The following AFF3 variants were observed in gnomAD, a reference collection of about 807,000 sequenced individuals.
AFF3 encodes ALF transcription elongation factor 3.
In AFF3, 32 loss-of-function variants were observed where a neutral mutation model predicts 129.7. The ratio of observed to expected loss-of-function variants is 0.25; its 90% confidence interval spans 0.19 to 0.33. The LOEUF (loss-of-function observed/expected upper bound fraction) is 0.33. Ranked by LOEUF, AFF3 falls within the 10% of genes least tolerant of loss-of-function variation. AFF3 has a pLI of 1.00. For synonymous variants in AFF3, 644 were observed against 635.4 expected (o/e 1.01, Z -0.20); for missense variants, 1,373 against 1,592.0 (o/e 0.86, Z 2.34).
At chr2:99,587,512 G>A (rs1477231831) in intron 15 of AFF3, among the ~76,000 whole-genome samples, 2 of 152,122 alleles carry the variant, frequency 1.3e-5, no homozygotes, top group Admixed American at 6.5e-5. Flanking sequence ...GAGGCACGAC[G>A]CCATGATTCA....
At chr2:99,935,451 G>A (rs1341200940) in intron 7 of AFF3, among the ~76,000 whole-genome samples, 1 of 152,108 alleles carries the variant, frequency 6.6e-6, no homozygotes, top group African/African-American at 2.4e-5. Context: ...TTTCTTTAAG[G>A]ATCTTCTCTG....
intron 4 of AFF3, among the ~76,000 whole-genome samples, chr2:100,032,370 AGT>A (rs1684568096): frequency 6.6e-6 from 1 of 152,022 alleles, no homozygotes; most frequent in African/African-American, 2.4e-5. Flanking sequence ...CGGAGGCTGC[AGT>A]GAGCCGAGAC....
At chr2:100,100,996 T>C (rs967521167) in intron 4 of AFF3, among the ~76,000 whole-genome samples, 1 of 152,214 alleles carries the variant, frequency 6.6e-6, no homozygotes, top group Non-Finnish European at 1.5e-5. Context: ...TTAACCTTTT[T>C]CCAAGTTCTC....
chr2:99,580,579 A>T (rs1677432979), intron 17 of AFF3, among the ~76,000 whole-genome samples: 1 of 152,136 alleles, frequency 6.6e-6, no homozygotes, highest in Non-Finnish European at 1.5e-5. Flanking sequence ...ACAAGTAATT[A>T]CTCAGTCCAA....
chr2:99,779,949 T>C (rs1222897415), intron 8 of AFF3, among the ~76,000 whole-genome samples: 1 of 152,212 alleles, frequency 6.6e-6, no homozygotes, highest in Non-Finnish European at 1.5e-5. Flanking sequence ...ACAGTTATAC[T>C]GAAAAGATAG....
chr2:99,960,954 T>C (rs1576435865), intron 7 of AFF3, among the ~76,000 whole-genome samples: 1 of 152,202 alleles, frequency 6.6e-6, no homozygotes, highest in Admixed American at 6.5e-5. Flanking sequence ...TCACACAGCC[T>C]TGTGCTCCTG....
chr2:99,568,602 G>A (rs146306057), intron 19 of AFF3, among the ~76,000 whole-genome samples: 33 of 152,260 alleles, frequency 2.2e-4, no homozygotes, highest in African/African-American at 7.7e-4. Flanking sequence ...ACTGGCTCTA[G>A]TTACTATTCA....
chr2:99,966,517 C>T (rs1364447017), intron 7 of AFF3, among the ~76,000 whole-genome samples: 11 of 149,922 alleles, frequency 7.3e-5, no homozygotes, highest in South Asian at 4.2e-4. Flanking sequence ...GGTGAAACCC[C>T]GTCTCTACTA....
chr2:99,569,808 C>A (rs1385942039), intron 18 of AFF3, among the ~76,000 whole-genome samples: 1 of 152,170 alleles, frequency 6.6e-6, no homozygotes, highest in Non-Finnish European at 1.5e-5. Flanking sequence ...TAAGCCAGGA[C>A]TCTCTGAACG....
chr2:99,751,828 C>G (rs1440721080), intron 9 of AFF3, among the ~76,000 whole-genome samples: 1 of 152,160 alleles, frequency 6.6e-6, no homozygotes, highest in African/African-American at 2.4e-5. Flanking sequence ...TTAAATACCA[C>G]ACGTCTTCAA....
At chr2:100,131,730 G>A (rs1471180125) in intron 1 of AFF3, among the ~76,000 whole-genome samples, 1 of 152,198 alleles carries the variant, frequency 6.6e-6, no homozygotes, top group Non-Finnish European at 1.5e-5. Context: ...AAAGTGCTGG[G>A]ATTACAGGCG....
At chr2:99,907,387 C>T (rs563193564) in intron 7 of AFF3, among the ~76,000 whole-genome samples, 4 of 152,206 alleles carry the variant, frequency 2.6e-5, no homozygotes, top group African/African-American at 7.2e-5. Context: ...TGAAGTAATT[C>T]GAGTATTACC....
At chr2:99,744,271 T>C in intron 9 of AFF3, 131 bp from the exon 10 acceptor site, 1 of 692,176 alleles carries the variant, frequency 1.4e-6, no homozygotes, top group Non-Finnish European at 2.4e-6. Flanking sequence ...GCTACTTTAA[T>C]GAGAAACATA....
intron 7 of AFF3, chr2:100,006,150 T>C (rs923297830): frequency 3.3e-5 from 5 of 152,726 alleles, no homozygotes; most frequent in Admixed American, 6.5e-5. Context: ...TTATGAGGTT[T>C]ATTTGGTAAA....
intron 4 of AFF3, among the ~76,000 whole-genome samples, chr2:100,084,802 A>C (rs559145601): frequency 6.6e-5 from 10 of 151,948 alleles, no homozygotes; most frequent in African/African-American, 2.4e-4. Context: ...TGGAGAAATA[A>C]AATTTATTAT....
At chr2:99,952,124 A>G (rs939118238) in intron 7 of AFF3, among the ~76,000 whole-genome samples, 23 of 152,186 alleles carry the variant, frequency 1.5e-4, no homozygotes, top group South Asian at 6.2e-4. Context: ...ATAATTCCCA[A>G]TGTTGGAGGT....
intron 24 of AFF3, among the ~76,000 whole-genome samples, chr2:99,553,831 T>C (rs1674637136): frequency 1.4e-5 from 2 of 147,282 alleles, no homozygotes; most frequent in Admixed American, 6.9e-5. Context: ...GAAGAATCGC[T>C]TGAACCCAGG....
In AFF3 at chr2:99,565,765, T is replaced by C. The variant is rs569391945; in HGVS notation, c.2983-142A>G. ...AAGCTGAGAGAAGAAAGAAATAGAA[T>C]ACTTCTTTTCCTACTTATTTTCTCA... On this transcript the variant is annotated intron_variant, in intron 19 of 24. Transcript: ENST00000672756. 5.0e-4 allele frequency: 478 copies of C among 952,450 alleles called. 3 individuals are homozygous for C. The highest frequency in any genetic ancestry group is 3.1e-4 in the African/African-American group (19 of 60,696). 59.0% of individuals were successfully genotyped at this position (952,450 alleles called of 1,614,324 possible).
chr2:99,630,141 T>C (rs956056792), intron 13 of AFF3, among the ~76,000 whole-genome samples: 4 of 152,188 alleles, frequency 2.6e-5, no homozygotes, highest in Admixed American at 1.3e-4. Context: ...CTTTGCCTTT[T>C]CTAAGGTTTT....
Sources: gnomAD v4.1 joint callset for allele counts (sites outside exome capture counted in the v4.1 genomes callset) on GRCh38, gnomAD v4.1.1 for gene constraint, MANE v1.5 for transcripts, NCBI Gene and HGNC (gene_info 2026-07-23, HGNC 2026-07-21) for gene names.